The following RIMBP2 variants were observed in gnomAD, a reference collection of about 807,000 sequenced individuals.
RIMBP2 encodes RIMS-binding protein 2.
In RIMBP2, 48 loss-of-function variants were observed where a neutral mutation model predicts 118.6. The ratio of observed to expected loss-of-function variants is 0.40; its 90% CI spans 0.32 to 0.51. RIMBP2 has a LOEUF of 0.51. RIMBP2 is among the 20% of genes least tolerant of loss of function. RIMBP2 has a pLI of 0.41. For missense variants in RIMBP2, 1,551 were observed against 1,768.3 expected (o/e 0.88, Z 2.20); for synonymous variants, 762 against 742.9 (o/e 1.03, Z -0.42).
intron 1 of RIMBP2, among the ~76,000 whole-genome samples, chr12:130,644,400 G>A (rs574862480): frequency 2.6e-5 from 4 of 152,258 alleles, no homozygotes; most frequent in South Asian, 2.1e-4. Context: ...GCCCTGAGAC[G>A]CCTGCTGCAT....
At chr12:130,590,772 A>G (rs1470322384) in intron 2 of RIMBP2, among the ~76,000 whole-genome samples, 1 of 152,158 alleles carries the variant, frequency 6.6e-6, no homozygotes, top group Admixed American at 6.5e-5. Flanking sequence ...TGCGGTTTTT[A>G]AAAACTGCCA....
intron 2 of RIMBP2, among the ~76,000 whole-genome samples, chr12:130,604,227 C>G (rs2060031821): frequency 6.7e-6 from 1 of 149,874 alleles, no homozygotes; most frequent in African/African-American, 2.5e-5. Context: ...TTTTGTGCAG[C>G]TGTGCAATGT....
intron 2 of RIMBP2, among the ~76,000 whole-genome samples, chr12:130,626,371 TCAC>T (rs1246585815): frequency 6.9e-6 from 1 of 145,306 alleles, no homozygotes; most frequent in Non-Finnish European, 1.5e-5. Context: ...ACCACTGGCA[TCAC>T]CACCATCTTC....
At chr12:130,549,005 T>G (rs2055457889) in intron 2 of RIMBP2, among the ~76,000 whole-genome samples, 2 of 152,242 alleles carry the variant, frequency 1.3e-5, no homozygotes, top group African/African-American at 4.8e-5. Context: ...CCAATAATTC[T>G]GCAAAAGTAT....
chr12:130,664,999 G>A (rs1008534791), intron 1 of RIMBP2, among the ~76,000 whole-genome samples: 1 of 151,586 alleles, frequency 6.6e-6, no homozygotes, highest in South Asian at 2.1e-4. Context: ...GCCCTCAGCA[G>A]GTGTGAGCAG....
rs1395143788 is a variant in RIMBP2 at position 130,623,858 on chromosome 12, CCA to C, written c.-217+4462_-217+4463del. Among the ~76,000 whole-genome samples, 1 of 152,188 alleles carries C rather than the reference CCA, an allele frequency of 6.6e-6. No individual in the cohort carries two copies. The highest frequency in any genetic ancestry group is 1.5e-5 in the Non-Finnish European group (1 of 68,046). On this transcript the variant is annotated intron_variant, in intron 2 of 22. Transcript: ENST00000690449. This position sits in a 1 kb window ranked among gnomAD's most constrained non-coding sequence, Gnocchi z 4.1. ...CAAGCAGATAATCCCACGGTGTACA[CCA>C]CAGTCTCCCAGAGGTTCCACAGCAG...
At chr12:130,459,294 A>C (rs928907215) in intron 6 of RIMBP2, among the ~76,000 whole-genome samples, 10 of 151,824 alleles carry the variant, frequency 6.6e-5, no homozygotes, top group African/African-American at 2.4e-4. Flanking sequence ...TATACGAAAA[A>C]AAAAAAAGAG....
chr12:130,486,711 G>GA (rs10689343), intron 4 of RIMBP2, among the ~76,000 whole-genome samples: 46,148 of 144,072 alleles, frequency 0.32, 7,575 homozygotes, highest in Middle Eastern at 0.49. Context: ...AGATCTTTGA[G>GA]AAAAAAAAAA....
At chr12:130,713,825 G>C (rs1950138944) in intron 1 of RIMBP2, among the ~76,000 whole-genome samples, 1 of 152,212 alleles carries the variant, frequency 6.6e-6, no homozygotes, top group Non-Finnish European at 1.5e-5. Context: ...CCTATGAGGC[G>C]TGCACTCAGC....
intron 1 of RIMBP2, among the ~76,000 whole-genome samples, chr12:130,664,407 G>GCACGCACACGCACGCACACGCACGCACA (rs1566438910): frequency 3.5e-5 from 3 of 86,072 alleles, no homozygotes; most frequent in African/African-American, 4.0e-5. Context: ...ACGCACGCAC[G>GCACGCACACGCACGCACACGCACGCACA]CACGCACACA....
chr12:130,555,230 A>G (rs1368769971), intron 2 of RIMBP2, among the ~76,000 whole-genome samples: 1 of 152,228 alleles, frequency 6.6e-6, no homozygotes, highest in Non-Finnish European at 1.5e-5. Context: ...ATGAATCGGG[A>G]AAACAGCTTA....
intron 4 of RIMBP2, among the ~76,000 whole-genome samples, chr12:130,492,900 C>T (rs1279668316): frequency 2.0e-5 from 3 of 152,160 alleles, no homozygotes; most frequent in South Asian, 2.1e-4. Context: ...GAGGCCGAGG[C>T]GGGTGGATTG....
chr12:130,676,751 A>C (rs1401647915), intron 1 of RIMBP2, among the ~76,000 whole-genome samples: 3 of 152,234 alleles, frequency 2.0e-5, no homozygotes, highest in African/African-American at 7.2e-5. Flanking sequence ...CAAATGTACC[A>C]TGAGAAGAGA....
intron 5 of RIMBP2, 73 bp downstream of exon 5, chr12:130,478,836 TCCA>T (rs1359238406): frequency 1.8e-6 from 2 of 1,092,610 alleles, no homozygotes; most frequent in Admixed American, 3.9e-5. Flanking sequence ...GGTCGGCCGC[TCCA>T]CCACACCAGG....
chr12:130,552,684 C>A (rs993786006), intron 2 of RIMBP2, among the ~76,000 whole-genome samples: 9 of 152,122 alleles, frequency 5.9e-5, no homozygotes, highest in Non-Finnish European at 1.2e-4. Flanking sequence ...AATTAGTAGA[C>A]AAATTCATGA....
chr12:130,413,787 CCT>C (rs1379588857), intron 18 of RIMBP2, among the ~76,000 whole-genome samples: 1 of 152,166 alleles, frequency 6.6e-6, no homozygotes, highest in Non-Finnish European at 1.5e-5. Context: ...CTCCCTCCTT[CCT>C]CTCTTCCCTG....
chr12:130,490,265 A>C (rs1019955357), intron 4 of RIMBP2, among the ~76,000 whole-genome samples: 1 of 152,190 alleles, frequency 6.6e-6, no homozygotes, highest in Non-Finnish European at 1.5e-5. Flanking sequence ...AGTTAAAAAA[A>C]AAACTCACGG....
At chr12:130,689,122 C>T (rs967731145) in intron 1 of RIMBP2, among the ~76,000 whole-genome samples, 9 of 152,218 alleles carry the variant, frequency 5.9e-5, no homozygotes, top group Non-Finnish European at 1.3e-4. Context: ...CACACCCCTC[C>T]ATGCCAACAC....
At chr12:130,397,876 G>C (rs1208787614) in intron 22 of RIMBP2, 3 of 188,902 alleles carry the variant, frequency 1.6e-5, no homozygotes, top group Non-Finnish European at 3.2e-5. Flanking sequence ...TAGGTTGATA[G>C]TAAAGTTGGC....
Sources: gnomAD v4.1 joint callset for allele counts (sites outside exome capture counted in the v4.1 genomes callset) on GRCh38, gnomAD v4.1.1 for gene constraint, Gnocchi (gnomAD v3.1) non-coding constraint, MANE v1.5 for transcripts, NCBI Gene and HGNC (gene_info 2026-07-23, HGNC 2026-07-21) for gene names.